HPGD: variants seen among roughly 807,000 people sequenced by gnomAD.
HPGD encodes 15-hydroxyprostaglandin dehydrogenase [NAD(+)].
A neutral mutation model predicts 30.0 loss-of-function variants in HPGD; 29 were observed. That is an observed-to-expected ratio of 0.97 (90% confidence interval 0.72 to 1.32). HPGD has a LOEUF of 1.32. Ranked by LOEUF, HPGD falls within the 40% of genes most tolerant of loss-of-function variation. The pLI is 0.00. For missense variants in HPGD, 340 were observed against 322.1 expected (o/e 1.06, Z -0.43); for synonymous variants, 99 against 112.4 (o/e 0.88, Z 0.75).
intron 4 of HPGD, chr4:174,507,141 AAC>A (rs1273175736): frequency 1.3e-5 from 2 of 152,174 alleles, no homozygotes; most frequent in Non-Finnish European, 2.9e-5. Context: ...CCCACAGCTT[AAC>A]ATTTGGCCCT....
chr4:174,498,423 G>C (rs1359649562), intron 4 of HPGD, among the ~76,000 whole-genome samples: 2 of 151,896 alleles, frequency 1.3e-5, no homozygotes, highest in African/African-American at 4.8e-5. Context: ...ATATACCAAT[G>C]AAACCATGAC....
chr4:174,516,399 T>C (rs1300679504), intron 3 of HPGD, among the ~76,000 whole-genome samples: 1 of 152,120 alleles, frequency 6.6e-6, no homozygotes, highest in Non-Finnish European at 1.5e-5. Flanking sequence ...GAAAATCAAA[T>C]ACCTCATGTT....
chr4:174,522,637 G>T (rs1736225976), upstream of HPGD: 2 of 482,654 alleles, frequency 4.1e-6, no homozygotes, highest in Admixed American at 4.2e-5. Context: ...CCCCCTGAGC[G>T]TTCTGGAGCG....
intron 3 of HPGD, among the ~76,000 whole-genome samples, chr4:174,516,311 A>G (rs567759696): frequency 5.8e-5 from 2 of 34,322 alleles, no homozygotes; most frequent in South Asian, 1.7e-3. Flanking sequence ...ACACACCCAT[A>G]AAAAAGGAAA....
In HPGD at chr4:174,496,374, A is replaced by C. The variant is rs2110781085; in HGVS notation, c.422-750T>G. Among the ~76,000 whole-genome samples the C allele has an allele frequency of 7.0e-6, 1 of 143,324 alleles. No individual in the cohort carries two copies. The highest frequency in any genetic ancestry group is 1.5e-5 in the Non-Finnish European group (1 of 65,290). The allele number at this position is 143,324 out of a possible 152,430, so 94.0% of individuals were successfully genotyped here. A position where few individuals can be genotyped will look rare whatever the true frequency, so the allele number is the denominator to read the frequency against. On this transcript the variant is annotated intron_variant, in intron 4 of 6. Transcript: ENST00000296522. This position sits in a 1 kb window ranked among gnomAD's most constrained non-coding sequence, Gnocchi z 4.6. ...TTAAATTCATGGTCTGGAGAGAAAA[A>C]ACAGTATAGCATATACCTATAGCAT...
rs1319498212 is a variant in HPGD at position 174,493,211 on chromosome 4, C to A, written c.602G>T (p.Gly201Val). 6.2e-7 allele frequency: 1 copy of A among 1,609,192 alleles called. No individual in the cohort carries two copies. Among genetic ancestry groups the A allele is most frequent in the South Asian group, 1.1e-5 (1 of 90,934 alleles). Residue 201 changes from glycine (G) to valine (V), a missense_variant, in exon 6 of 7, where the codon GGA becomes GTA. By Grantham distance (109) the Gly-to-Val change is moderately radical (BLOSUM62 -3). Transcript: ENST00000296522. ...ATGATCCTTATATTCTATATATTGT[C>A]CCATGTTTTCTTCTTTTTCAATTGA... ...LESIEKEENMGQYIEYKDHIK... is the reference protein window; with the variant it reads ...LESIEKEENMVQYIEYKDHIK...
At chr4:174,521,414 T>G (rs1736111693) in intron 2 of HPGD, among the ~76,000 whole-genome samples, 1 of 152,202 alleles carries the variant, frequency 6.6e-6, no homozygotes, top group Non-Finnish European at 1.5e-5. Flanking sequence ...TTACTATTAT[T>G]ATTATTTTAA....
chr4:174,506,359 G>C (rs906259731), intron 4 of HPGD, among the ~76,000 whole-genome samples: 30 of 152,192 alleles, frequency 2.0e-4, no homozygotes, highest in African/African-American at 7.2e-4. Flanking sequence ...AATTGCAAGG[G>C]TTTATTCAAT....
Position 174,498,321 on chromosome 4 carries a change from A to ATT in HPGD, c.422-2699_422-2698dup, listed in dbSNP as rs70947445. Among the ~76,000 whole-genome samples the ATT allele has an allele frequency of 5.5e-4, 83 of 149,648 alleles. 1 individual carries two copies. Among genetic ancestry groups the ATT allele is most frequent in the African/African-American group, 1.7e-3 (68 of 40,870 alleles). ...TTCAGAAACCAAGTTTCCTTTTTTC[A>ATT]TTTTTTTTTTACAGCTTCATGGAGA... On this transcript the variant is annotated intron_variant, in intron 4 of 6. Transcript: ENST00000296522.
intron 4 of HPGD, among the ~76,000 whole-genome samples, chr4:174,505,003 A>G (rs1007172583): frequency 2.6e-5 from 4 of 152,202 alleles, no homozygotes; most frequent in Non-Finnish European, 5.9e-5. Flanking sequence ...TTTGTATATT[A>G]TGTTTATAAA....
intron 4 of HPGD, among the ~76,000 whole-genome samples, chr4:174,497,568 C>CCTTTTTTTTTTTTTTTTTTTTT (rs1560976894): frequency 2.0e-5 from 1 of 51,114 alleles, no homozygotes; most frequent in African/African-American, 6.7e-5. Flanking sequence ...CTTTTTCTTT[C>CCTTTTTTTTTTTTTTTTTTTTT]TTTTTTTTTT....
chr4:174,505,808 G>A (rs1175772483), intron 4 of HPGD, among the ~76,000 whole-genome samples: 1 of 152,142 alleles, frequency 6.6e-6, no homozygotes, highest in Non-Finnish European at 1.5e-5. Context: ...TTCTGAAAAT[G>A]GAGAGAGTAG....
chr4:174,522,250 T>C (rs746694939), intron 1 of HPGD, 109 bp downstream of exon 1: 185 of 1,378,744 alleles, frequency 1.3e-4, no homozygotes, highest in Non-Finnish European at 1.7e-4. Flanking sequence ...AGTGGCAAAG[T>C]GGGCACGCCG....
chr4:174,519,136 T>G (rs902328181), intron 2 of HPGD, among the ~76,000 whole-genome samples: 1 of 152,196 alleles, frequency 6.6e-6, no homozygotes, highest in African/African-American at 2.4e-5. Context: ...AAAAACATTT[T>G]CAAGATTTCC....
At chr4:174,502,161 C>T (rs1348644504) in intron 4 of HPGD, among the ~76,000 whole-genome samples, 1 of 152,152 alleles carries the variant, frequency 6.6e-6, no homozygotes, top group African/African-American at 2.4e-5. Flanking sequence ...AAAATGTGTA[C>T]CCGTCTGTCT....
chr4:174,499,432 T>C (rs1176915183), intron 4 of HPGD, among the ~76,000 whole-genome samples: 3 of 152,194 alleles, frequency 2.0e-5, no homozygotes, highest in African/African-American at 7.2e-5. Flanking sequence ...CTCTGAGATA[T>C]AAACATATCT....
rs190688377 is a variant in HPGD, at chr4:174,515,944, C to T, written c.324+2027G>A. The stretch of plus-strand genomic sequence containing the variant: ...ACCACAATGAAATACAATTTCACAG[C>T]GATCAGAATGGCTATCATTAAGAAG... On this transcript the variant is annotated intron_variant, in intron 3 of 6. Transcript: ENST00000296522. Among the ~76,000 whole-genome samples, 9 of 152,130 alleles carry T rather than the reference C, an allele frequency of 5.9e-5. No homozygotes were observed. In the East Asian group the frequency reaches 1.2e-3, roughly 20 times the overall value.
At position 174,495,779 on chromosome 4, in the gene HPGD, C is replaced by T. The variant is rs995980700; in HGVS notation, c.422-155G>A. On this transcript the variant is annotated intron_variant, in intron 4 of 6. Coordinates refer to ENST00000296522, the MANE Select transcript of HPGD (RefSeq NM_000860.6). ...TAAAACCAGATAGCTTTGTGAAACT[C>T]AGTAGCCTAAGTGTAGTTTATTTGC... 73 of 675,282 alleles carry T rather than the reference C, an allele frequency of 1.1e-4. No individual in the cohort carries two copies. The East Asian group carries it at 2.0e-3, about 19-fold the overall frequency. 41.8% of individuals were successfully genotyped at this position (675,282 alleles called of 1,614,324 possible).
chr4:174,522,507 C>A (rs889396738), upstream of HPGD: 10 of 1,392,246 alleles, frequency 7.2e-6, no homozygotes, highest in Non-Finnish European at 9.6e-6. Flanking sequence ...CGCGCGGCCG[C>A]GGCTTTTATG....
Sources: allele counts gnomAD v4.1 joint callset (sites outside exome capture counted in the v4.1 genomes callset), GRCh38; gene constraint gnomAD v4.1.1; non-coding constraint Gnocchi (gnomAD v3.1); transcripts MANE v1.5; gene names NCBI Gene and HGNC (gene_info 2026-07-23, HGNC 2026-07-21).